The following HERC2 variants were observed in gnomAD, a reference collection of about 807,000 sequenced individuals.
The protein encoded by HERC2 is E3 ubiquitin-protein ligase HERC2.
Under a neutral mutation model 537.7 loss-of-function variants are expected in HERC2, and 102 were observed. The ratio of observed to expected loss-of-function variants is 0.19; its 90% confidence interval spans 0.16 to 0.22. HERC2 has a LOEUF of 0.22. Ranked by LOEUF, HERC2 falls within the 10% of genes least tolerant of loss-of-function variation. The pLI is 1.00. For synonymous variants in HERC2, 2,224 were observed against 2,466.2 expected (o/e 0.90, Z 2.91); for missense variants, 4,236 against 6,198.2 (o/e 0.68, Z 10.63).
intron 50 of HERC2, among the ~76,000 whole-genome samples, chr15:28,196,829 T>C (rs945098036): frequency 8.5e-5 from 13 of 152,218 alleles, no homozygotes; most frequent in African/African-American, 2.9e-4. Flanking sequence ...AATGAGCACA[T>C]GGAGGTTCAT....
chr15:28,155,605 A>T (rs1892920854), intron 69 of HERC2, among the ~76,000 whole-genome samples: 2 of 136,174 alleles, frequency 1.5e-5, no homozygotes, highest in African/African-American at 7.6e-5. Flanking sequence ...CCACTTGTTG[A>T]TGGGGTTGTT....
chr15:28,112,405 G>A (rs1360877598), intron 92 of HERC2, among the ~76,000 whole-genome samples: 2 of 152,128 alleles, frequency 1.3e-5, no homozygotes, highest in Non-Finnish European at 2.9e-5. Flanking sequence ...ACTAGGAAAC[G>A]GCAAGAATTA....
At chr15:28,225,696 C>CAAAAAAAAAAAAAAAAAAA (rs35629645) in intron 35 of HERC2, among the ~76,000 whole-genome samples, 5 of 58,760 alleles carry the variant, frequency 8.5e-5, no homozygotes, top group African/African-American at 2.3e-4. Context: ...GACTCCGTCT[C>CAAAAAAAAAAAAAAAAAAA]AAAAAAAAAA....
At chr15:28,321,628 G>A (rs1037820273) in intron 1 of HERC2, among the ~76,000 whole-genome samples, 164 bp from the exon 2 acceptor site, 2 of 125,128 alleles carry the variant, frequency 1.6e-5, no homozygotes, top group Admixed American at 1.5e-4. Context: ...GAGATGGAGG[G>A]AGAGGGAGGT....
At chr15:28,168,653 G>A in intron 66 of HERC2, 63 bp from the exon 67 acceptor site, 2 of 1,493,472 alleles carry the variant, frequency 1.3e-6, no homozygotes, top group Non-Finnish European at 1.8e-6. Context: ...CACAGGAAGT[G>A]GAGAGGCAGG....
At chr15:28,301,743 A>ATATATATATATATATATATATG in intron 2 of HERC2, among the ~76,000 whole-genome samples, 1 of 72,584 alleles carries the variant, frequency 1.4e-5, no homozygotes, top group East Asian at 4.6e-4. Flanking sequence ...GTGTATATAT[A>ATATATATATATATATATATATG]TATATATATA....
intron 65 of HERC2, among the ~76,000 whole-genome samples, chr15:28,171,941 G>A (rs1413068065): frequency 2.6e-5 from 4 of 151,574 alleles, no homozygotes; most frequent in African/African-American, 9.8e-5. Flanking sequence ...CGGGCGTGGT[G>A]GCAGGTGCCT....
At position 28,196,468 on chromosome 15, in the gene HERC2, C is replaced by T. The variant is rs1897349631; in HGVS notation, c.8113G>A (p.Gly2705Arg). The change falls in exon 51 of 93, where the codon GGG becomes AGG. Residue 2705 changes from glycine (G) to arginine (R), a missense_variant. By Grantham distance (125) the Gly-to-Arg change is moderately radical. Transcript: ENST00000261609. ...ACCATAAAAATAACTCACGTAACCC[C>T]AGGATGAATACTGGGTACCAACTCC... The part of the protein sequence containing the change: ...EMELVPSIHP[G>R]VTCDGCQMFP... The T allele has an allele frequency of 1.2e-6, 2 of 1,611,468 alleles. No homozygotes were observed. The highest frequency in any genetic ancestry group is 3.3e-5 in the Admixed American group (2 of 59,910).
intron 87 of HERC2, 22 bp downstream of exon 87, chr15:28,116,991 C>T: frequency 3.1e-6 from 5 of 1,613,936 alleles, no homozygotes; most frequent in African/African-American, 1.3e-5. Context: ...CACAGGTGCT[C>T]CAGCACGTGG....
At position 28,192,070 on chromosome 15, in the gene HERC2, C is replaced by T. The variant is rs146558015; in HGVS notation, c.8342G>A (p.Ser2781Asn). ...HSSQPGMLLDSWSRMVKSLNV... is the reference protein window; with the variant it reads ...HSSQPGMLLDNWSRMVKSLNV... The stretch of plus-strand genomic sequence containing the variant: ...CAGGCTCTTCACCATGCGGGACCAG[C>T]TGTCCAGCAGCATGCCTGGCTGGCT... Residue 2781 changes from serine to asparagine, a missense_variant, in exon 53 of 93, where the codon AGC becomes AAC. This residue lies in a region of HERC2 where 606 missense variants were observed against 884.5 expected (regional missense o/e 0.69). Transcript: ENST00000261609. 2 of 1,614,014 alleles carry T rather than the reference C, an allele frequency of 1.2e-6. No homozygotes were observed. Among genetic ancestry groups the T allele is most frequent in the African/African-American group, 2.7e-5 (2 of 75,052 alleles).
intron 64 of HERC2, among the ~76,000 whole-genome samples, chr15:28,174,951 A>G (rs748514889): frequency 6.6e-6 from 1 of 152,176 alleles, no homozygotes; most frequent in Non-Finnish European, 1.5e-5. Flanking sequence ...GCAAAGAAAA[A>G]TGACCAAAAA....
intron 12 of HERC2, among the ~76,000 whole-genome samples, chr15:28,267,309 C>T (rs1327434775): frequency 6.6e-6 from 1 of 152,226 alleles, no homozygotes; most frequent in Non-Finnish European, 1.5e-5. Flanking sequence ...GCCATCTGCA[C>T]TCATCTCTCT....
chr15:28,148,219 CA>C (rs1891974131), intron 70 of HERC2, among the ~76,000 whole-genome samples: 1 of 151,658 alleles, frequency 6.6e-6, no homozygotes, highest in African/African-American at 2.4e-5. Flanking sequence ...TTACAAAAAC[CA>C]AAACATTTTA....
intron 69 of HERC2, among the ~76,000 whole-genome samples, chr15:28,155,921 T>C (rs1052597605): frequency 6.6e-6 from 1 of 152,184 alleles, no homozygotes; most frequent in African/African-American, 2.4e-5. Flanking sequence ...CTTTAACCCA[T>C]CTTGAATTAA....
intron 2 of HERC2, among the ~76,000 whole-genome samples, chr15:28,304,165 C>CAAAAAAAAAA (rs779514776): frequency 3.1e-5 from 2 of 63,822 alleles, no homozygotes; most frequent in Admixed American, 2.2e-4. Context: ...GACTCCATCT[C>CAAAAAAAAAA]AAAAAAAAAA....
intron 37 of HERC2, among the ~76,000 whole-genome samples, chr15:28,218,911 C>A (rs1372381831): frequency 6.6e-6 from 1 of 152,136 alleles, no homozygotes; most frequent in African/African-American, 2.4e-5. Flanking sequence ...CTCACTGCAG[C>A]TTTGACCTCG....
At chr15:28,272,426 A>G in intron 8 of HERC2, 40 bp from the exon 9 acceptor site, 3 of 1,547,736 alleles carry the variant, frequency 1.9e-6, no homozygotes, top group Non-Finnish European at 2.6e-6. Flanking sequence ...AAAACAGATT[A>G]ACTTCTTTTC....
rs1016996307 is a variant in HERC2 at position 28,142,388 on chromosome 15, C to G, written c.11550G>C (p.Leu3850=). Residue 3850 remains leucine, a synonymous_variant, in exon 76 of 93, where the codon CTG becomes CTC. Transcript: ENST00000261609. ...GCTCCAGGTCACAAGCAAGAGCTACCAGTACCTGCAGGCACCAAAAATGAC... is the reference window on the plus strand; with the variant it reads ...GCTCCAGGTCACAAGCAAGAGCTACGAGTACCTGCAGGCACCAAAAATGAC... ...QLLHSPFFKV[L]VALACDLELD... is the part of the protein sequence containing the mutation. The G allele has an allele frequency of 6.2e-7, 1 of 1,612,132 alleles. No homozygotes were observed. Among genetic ancestry groups the G allele is most frequent in the African/African-American group, 1.3e-5 (1 of 74,866 alleles).
chr15:28,320,427 C>T (rs926309457), intron 2 of HERC2: 7 of 152,210 alleles, frequency 4.6e-5, no homozygotes, highest in African/African-American at 1.7e-4. Context: ...CAACACAGCT[C>T]TAAACACTGG....
Sources: allele counts gnomAD v4.1 joint callset (sites outside exome capture counted in the v4.1 genomes callset), GRCh38; gene constraint gnomAD v4.1.1; regional missense constraint gnomAD v4.1.1; transcripts MANE v1.5; gene names NCBI Gene and HGNC (gene_info 2026-07-23, HGNC 2026-07-21).